Variants in PLEKHH3 observed in about 807,000 individuals in gnomAD.
The protein encoded by PLEKHH3 is pleckstrin homology, MyTH4 and FERM domain containing H3, also known as pleckstrin homology domain-containing family H member 3.
PLEKHH3 carries 57 observed loss-of-function variants against 77.8 expected under a neutral mutation model. The observed-to-expected ratio is 0.73, with a 90% CI of 0.59 to 0.91. The LOEUF (loss-of-function observed/expected upper bound fraction) is 0.91. Among genes scored for constraint, PLEKHH3 ranks in the 40% least tolerant of loss-of-function variants. The probability of loss-of-function intolerance (pLI) is 0.00; values close to 1 mark genes in which losing one functional copy is unlikely to be tolerated. For synonymous variants in PLEKHH3, 467 were observed against 504.8 expected (o/e 0.93, Z 1.00); for missense variants, 1,082 against 1,091.2 (o/e 0.99, Z 0.12).
Position 42,676,871 on chromosome 17 carries a change from G to A in PLEKHH3, c.-308C>T. 5.1e-6 allele frequency: 2 copies of A among 391,914 alleles called. No homozygotes were observed. The highest frequency in any genetic ancestry group is 5.5e-5 in the South Asian group (2 of 36,364). 24.3% of individuals were successfully genotyped at this position (391,914 alleles called of 1,614,324 possible). On this transcript the variant is annotated 5_prime_UTR_variant, in exon 1 of 13. Transcript: ENST00000591022. This position sits in a 1 kb window ranked among gnomAD's most constrained non-coding sequence, Gnocchi z 6.6. ...GTTGGAGTGTCCAGCCCTGTGGGGG[G>A]CAGTGTCCGGTGCAGCGTCCGAGGT... is the stretch of plus-strand genomic sequence containing the variant.
At position 42,674,088 on chromosome 17, in the gene PLEKHH3, G is replaced by A. The variant is rs1032389986; in HGVS notation, c.219-75C>T. ...CTCCTCTGTAGGGGCTCCCCAGACC[G>A]CACGGGTGTCTGCTCCCAAGCTGGG... On this transcript the variant is annotated intron_variant, in intron 2 of 12. Coordinates refer to ENST00000591022, the MANE Select transcript of PLEKHH3 (RefSeq NM_024927.5). 2.7e-6 allele frequency: 4 copies of A among 1,461,738 alleles called. No homozygotes were observed. In the African/African-American group the frequency reaches 4.2e-5, roughly 15 times the overall value. 90.5% of individuals were successfully genotyped at this position (1,461,738 alleles called of 1,614,324 possible).
At position 42,676,448 on chromosome 17, in the gene PLEKHH3, T is replaced by C; in HGVS notation, c.116A>G (p.Glu39Gly). 6.2e-7 allele frequency: 1 copy of C among 1,613,142 alleles called. No homozygotes were observed. Among genetic ancestry groups the C allele is most frequent in the Non-Finnish European group, 8.5e-7 (1 of 1,179,854 alleles). Residue 39 changes from glutamate to glycine, a missense_variant, in exon 1 of 13, where the codon GAG becomes GGG. Coordinates refer to ENST00000591022, the MANE Select transcript of PLEKHH3 (RefSeq NM_024927.5). The surrounding 1 kb of genome is among the most constrained non-coding windows in gnomAD (Gnocchi z 6.6). The stretch of plus-strand genomic sequence containing the variant: ...CGGGGTCCGCAGCTCAAAGGTTTCC[T>C]CGTCCTCGTCCTCGTCCCCGTCCCC... ...LSGDGDEDED[E>G]ETFELRTPSP...
rs909131162 is a variant in PLEKHH3, at chr17:42,671,205, G to A, written c.1285-75C>T. On this transcript the variant is annotated intron_variant, in intron 8 of 12. Transcript: ENST00000591022. The surrounding 1 kb of genome is among the most constrained non-coding windows in gnomAD (Gnocchi z 4.7). ...TGGGAGGGGTTGATTCAATTGGAAG[G>A]GGTCTCTTAGTCCTGTCACCACCAC... The A allele has an allele frequency of 7.7e-5, 117 of 1,524,478 alleles. 1 individual carries two copies. Among genetic ancestry groups the A allele is most frequent in the Non-Finnish European group, 1.0e-4 (114 of 1,132,614 alleles). 94.4% of individuals were successfully genotyped at this position (1,524,478 alleles called of 1,614,324 possible). A position where few individuals can be genotyped will look rare whatever the true frequency, so the allele number is the denominator to read the frequency against.
chr17:42,673,472 AC>A lies in PLEKHH3; in HGVS notation c.574del (p.Val192TrpfsTer6), dbSNP rs778393033. ...PRQAEAERWGVALREVIASKA... is the reference protein window; with the variant it reads ...PRQAEAERWGXALREVIASKA... ...GGAGGCGATCACTTCCCGCAATGCC[AC>A]CCCCCAGCGCTCAGCCTCTGCCTGG... is the stretch of plus-strand genomic sequence containing the variant. On this transcript the variant is annotated frameshift_variant, in exon 5 of 13. Transcript: ENST00000591022. LOFTEE classifies it high-confidence loss of function. 6.2e-7 allele frequency: 1 copy of A among 1,611,584 alleles called. No homozygotes were observed. Among genetic ancestry groups the A allele is most frequent in the Non-Finnish European group, 8.5e-7 (1 of 1,179,330 alleles).
At chr17:42,673,087 G>T in intron 6 of PLEKHH3, 89 bp downstream of exon 6, 1 of 1,425,710 alleles carries the variant, frequency 7.0e-7, no homozygotes, top group Non-Finnish European at 9.2e-7. Context: ...CATGAAGGAT[G>T]CTTAGATCCC....
chr17:42,669,033 G>T (rs185633722), intron 12 of PLEKHH3: 1 of 156,648 alleles, frequency 6.4e-6, no homozygotes, highest in Non-Finnish European at 1.4e-5. Context: ...GGATGGTCTC[G>T]ATCTCCTGAC....
At position 42,673,514 on chromosome 17, in the gene PLEKHH3, C is replaced by A. The variant is rs530256557; in HGVS notation, c.533G>T (p.Arg178Leu). The A allele has an allele frequency of 1.1e-5, 17 of 1,603,706 alleles. No homozygotes were observed. The highest frequency in any genetic ancestry group is 1.4e-5 in the Non-Finnish European group (17 of 1,175,968). ...VTVSGRKHSV[R>L]LCSPRQAEAE... ...CTCTGCCTGGCGTGGGGAGCAGAGG[C>A]GGACACTGTGTTTCCGACCAGACAC... Residue 178 changes from arginine (R) to leucine (L), a missense_variant, in exon 5 of 13, where the codon CGC becomes CTC. Coordinates refer to ENST00000591022, the MANE Select transcript of PLEKHH3 (RefSeq NM_024927.5).
chr17:42,676,009 A>C lies in PLEKHH3; in HGVS notation c.162+393T>G. On this transcript the variant is annotated intron_variant, in intron 1 of 12. Transcript: ENST00000591022. The surrounding 1 kb of genome is among the most constrained non-coding windows in gnomAD (Gnocchi z 6.6). ...TCGCATCTGGCCTCCGCACTTGCGA[A>C]CTGGGAGCGGAGGGGGACCCAGGCG... 9.3e-7 allele frequency: 1 copy of C among 1,074,776 alleles called. No homozygotes were observed. The highest frequency in any genetic ancestry group is 1.1e-6 in the Non-Finnish European group (1 of 886,606). The allele number at this position is 1,074,776 out of a possible 1,614,324, so 66.6% of individuals were successfully genotyped here.
rs1376308382 is a variant in PLEKHH3, at chr17:42,669,932, G to A, written c.1999C>T (p.Leu667=). The A allele has an allele frequency of 1.9e-6, 3 of 1,613,512 alleles. No individual in the cohort carries two copies. The highest frequency in any genetic ancestry group is 1.7e-5 in the Admixed American group (1 of 59,988). Residue 667 remains leucine, a synonymous_variant, in exon 11 of 13, where the codon CTG becomes TTG. Coordinates refer to ENST00000591022, the MANE Select transcript of PLEKHH3 (RefSeq NM_024927.5). ...PGFGAARYDV[L]ELSTEPGRGA... is the part of the protein sequence containing the mutation. ...CTCCCCCTCACCGTGCTCAGCTCCA[G>A]AACGTCATACCGAGCAGCGCCGAAC...
At position 42,669,611 on chromosome 17, in the gene PLEKHH3, C is replaced by T. The variant is rs769057189; in HGVS notation, c.2024G>A (p.Arg675Gln). The change falls in exon 12 of 13, where the codon CGG becomes CAG. Residue 675 changes from arginine to glutamine, a missense_variant. Coordinates refer to ENST00000591022, the MANE Select transcript of PLEKHH3 (RefSeq NM_024927.5). ...CAGGCACAGCTTCTGTGGAGCACCCCGACCAGGCTCCTGCAGACAGAGAGG... is the reference window on the plus strand; with the variant it reads ...CAGGCACAGCTTCTGTGGAGCACCCTGACCAGGCTCCTGCAGACAGAGAGG... The part of the protein sequence containing the change: ...DVLELSTEPG[R>Q]GAPQKLCLGL... 8.1e-6 allele frequency: 13 copies of T among 1,604,190 alleles called. No homozygotes were observed. In the South Asian group the frequency reaches 1.1e-4, roughly 14 times the overall value.
chr17:42,671,614 C>T lies in PLEKHH3; in HGVS notation c.1077-56G>A, dbSNP rs2052704913. 1.3e-6 allele frequency: 2 copies of T among 1,494,154 alleles called. No homozygotes were observed. The highest frequency in any genetic ancestry group is 1.4e-5 in the African/African-American group (1 of 71,968). 92.6% of individuals were successfully genotyped at this position (1,494,154 alleles called of 1,614,324 possible). A position where few individuals can be genotyped will look rare whatever the true frequency, so the allele number is the denominator to read the frequency against. The stretch of plus-strand genomic sequence containing the variant: ...TCCAAGGGCTTTCTTCTCCCCCTCC[C>T]TCTTGCCTGCTTCTCTTATAGTTTA... On this transcript the variant is annotated intron_variant, in intron 7 of 12. Coordinates refer to ENST00000591022, the MANE Select transcript of PLEKHH3 (RefSeq NM_024927.5). This position sits in a 1 kb window ranked among gnomAD's most constrained non-coding sequence, Gnocchi z 4.7.
chr17:42,672,298 C>T lies in PLEKHH3; in HGVS notation c.864G>A (p.Gln288=), dbSNP rs372527791. 3.3e-5 allele frequency: 51 copies of T among 1,549,846 alleles called. No individual in the cohort carries two copies. Among genetic ancestry groups the T allele is most frequent in the Non-Finnish European group, 4.4e-5 (51 of 1,146,874 alleles). ...AGTCCCGGCAGGTTTGGAGCACACC[C>T]TGCATCAAGGGCCCGGGGCGCCGCG... is the stretch of plus-strand genomic sequence containing the variant. ...EGARRPGPLM[Q]GVLQTCRDLP... is the part of the protein sequence containing the mutation. Residue 288 remains glutamine, a synonymous_variant, in exon 7 of 13, where the codon CAG becomes CAA. Transcript: ENST00000591022.
Position 42,669,603 on chromosome 17 carries a change from G to C in PLEKHH3, c.2032C>G (p.Pro678Ala). The C allele has an allele frequency of 6.2e-7, 1 of 1,607,976 alleles. No homozygotes were observed. The highest frequency in any genetic ancestry group is 1.3e-5 in the African/African-American group (1 of 74,942). ...CCCAAGCCCAGGCACAGCTTCTGTGGAGCACCCCGACCAGGCTCCTGCAGA... is the reference window on the plus strand; with the variant it reads ...CCCAAGCCCAGGCACAGCTTCTGTGCAGCACCCCGACCAGGCTCCTGCAGA... ...ELSTEPGRGA[P>A]QKLCLGLGAK... Residue 678 changes from proline (P) to alanine (A), a missense_variant, in exon 12 of 13, where the codon CCA (proline) becomes GCA (alanine). Physicochemically the swap from Pro to Ala is conservative, Grantham distance 27. Transcript: ENST00000591022.
At position 42,676,237 on chromosome 17, in the gene PLEKHH3, T is replaced by C; in HGVS notation, c.162+165A>G. 7.1e-7 allele frequency: 1 copy of C among 1,403,278 alleles called. No individual in the cohort carries two copies. The highest frequency in any genetic ancestry group is 9.4e-7 in the Non-Finnish European group (1 of 1,067,258). 86.9% of individuals were successfully genotyped at this position (1,403,278 alleles called of 1,614,324 possible). The stretch of plus-strand genomic sequence containing the variant: ...CCCACAGGCACATCCCGAGTAGGGC[T>C]GCTGCTCCGAGAGCTCCCGGGGGCT... On this transcript the variant is annotated intron_variant, in intron 1 of 12. Coordinates refer to ENST00000591022, the MANE Select transcript of PLEKHH3 (RefSeq NM_024927.5). This position sits in a 1 kb window ranked among gnomAD's most constrained non-coding sequence, Gnocchi z 6.6.
chr17:42,671,219 T>C lies in PLEKHH3; in HGVS notation c.1285-89A>G. On this transcript the variant is annotated intron_variant, in intron 8 of 12. Coordinates refer to ENST00000591022, the MANE Select transcript of PLEKHH3 (RefSeq NM_024927.5). The surrounding 1 kb of genome is among the most constrained non-coding windows in gnomAD (Gnocchi z 4.7). ...TCAATTGGAAGGGGTCTCTTAGTCC[T>C]GTCACCACCACTCCCTCCCTTACCA... 6.6e-7 allele frequency: 1 copy of C among 1,523,490 alleles called. No homozygotes were observed. 94.4% of individuals were successfully genotyped at this position (1,523,490 alleles called of 1,614,324 possible).
chr17:42,674,499 G>T (rs1185122631), intron 1 of PLEKHH3, 90 bp from the exon 2 acceptor site: 4 of 1,120,566 alleles, frequency 3.6e-6, no homozygotes, highest in Non-Finnish European at 4.6e-6. Context: ...CTGCTCAGGG[G>T]ATTGAGGAAG....
At chr17:42,670,417 G>A (rs1425060737) in intron 10 of PLEKHH3, 41 bp from the exon 11 acceptor site, 16 of 1,460,892 alleles carry the variant, frequency 1.1e-5, no homozygotes, top group East Asian at 5.1e-5. Flanking sequence ...GAGCGGCGGC[G>A]GAACCGTCGC....
At position 42,676,620 on chromosome 17, in the gene PLEKHH3, C is replaced by T; in HGVS notation, c.-57G>A. On this transcript the variant is annotated 5_prime_UTR_variant, in exon 1 of 13. Transcript: ENST00000591022. This position sits in a 1 kb window ranked among gnomAD's most constrained non-coding sequence, Gnocchi z 6.6. The stretch of plus-strand genomic sequence containing the variant: ...CAGCCGCGGCCGAGCAGTAGGGGGT[C>T]GGAGGAACTGGCGGGGCTCCGACCC... 7 of 1,509,604 alleles carry T rather than the reference C, an allele frequency of 4.6e-6. No homozygotes were observed. Among genetic ancestry groups the T allele is most frequent in the African/African-American group, 1.4e-5 (1 of 72,162 alleles). The allele number at this position is 1,509,604 out of a possible 1,614,324, so 93.5% of individuals were successfully genotyped here. A position where few individuals can be genotyped will look rare whatever the true frequency, so the allele number is the denominator to read the frequency against.
At position 42,670,314 on chromosome 17, in the gene PLEKHH3, C is replaced by A. The variant is rs1407518970; in HGVS notation, c.1617G>T (p.Ala539=). 2 of 1,392,700 alleles carry A rather than the reference C, an allele frequency of 1.4e-6. No individual in the cohort carries two copies. The highest frequency in any genetic ancestry group is 1.8e-6 in the Non-Finnish European group (2 of 1,081,212). 86.3% of individuals were successfully genotyped at this position (1,392,700 alleles called of 1,614,324 possible). A position where few individuals can be genotyped will look rare whatever the true frequency, so the allele number is the denominator to read the frequency against. The change falls in exon 11 of 13, where the codon GCG becomes GCT. Residue 539 remains alanine, a synonymous_variant. Coordinates refer to ENST00000591022, the MANE Select transcript of PLEKHH3 (RefSeq NM_024927.5). ...PPPDDTLRAL[A]ALRLQSLQRD... is the part of the protein sequence containing the mutation. ...GCTGCAGGCTCTGCAGGCGCAGCGC[C>A]GCCAGGGCGCGCAGCGTGTCGTCGG...
Sources: gnomAD v4.1 joint callset for allele counts on GRCh38, gnomAD v4.1.1 for gene constraint, Gnocchi (gnomAD v3.1) non-coding constraint, MANE v1.5 for transcripts, NCBI Gene and HGNC (gene_info 2026-07-23, HGNC 2026-07-21) for gene names.